Variants in NARF observed in about 807,000 individuals in gnomAD.
NARF encodes the protein nuclear prelamin A recognition factor, also known as iron-only hydrogenase-like protein 2.
In NARF, 41 loss-of-function variants were observed where a neutral mutation model predicts 48.0. The ratio of observed to expected loss-of-function variants is 0.85; its 90% confidence interval spans 0.66 to 1.11. NARF has a LOEUF of 1.11. Among genes scored for constraint, NARF ranks in the 50% least tolerant of loss-of-function variants. NARF has a pLI of 0.00. For missense variants in NARF, 613 were observed against 590.2 expected, an observed-to-expected ratio of 1.04 and a Z score of -0.40; for synonymous variants, 215 against 225.5, an observed-to-expected ratio of 0.95 and a Z score of 0.42.
rs981033919 is a variant in NARF at position 82,470,174 on chromosome 17, G to A, written c.385+1278G>A. Among the ~76,000 whole-genome samples, 25 of 152,272 alleles carry A rather than the reference G, an allele frequency of 1.6e-4. No homozygotes were observed. The East Asian group carries it at 2.1e-3, about 13-fold the overall frequency. On this transcript the variant is annotated intron_variant, in intron 4 of 10. Transcript: ENST00000309794. ...GCTTGAAGTCTAAGCAGCAGCCTGG[G>A]GGTCCTGATGCTCCCTGTGCCCTAG...
intron 4 of NARF, among the ~76,000 whole-genome samples, chr17:82,470,202 GCCTGGGCTCTAACAAGA>G (rs2043665671): frequency 6.6e-6 from 1 of 152,134 alleles, no homozygotes; most frequent in South Asian, 2.1e-4. Flanking sequence ...TGCCCTAGGC[GCCTGGGCTCTAACAAGA>G]CCTGGTCATC....
rs1360046676 is a variant in NARF, at chr17:82,468,830, G to T, written c.319G>T (p.Ala107Ser). Reference sequence around the variant, plus strand: ...GTGTCCTCAATCTTTGCCTTATTTTGCTGCTAAATTCAACCTCAGTGTAAC... The same window carrying T: ...GTGTCCTCAATCTTTGCCTTATTTTTCTGCTAAATTCAACCTCAGTGTAAC... ...SVCPQSLPYF[A>S]AKFNLSVTDA... Residue 107 changes from alanine to serine, a missense_variant, in exon 4 of 11, where the codon GCT (alanine) becomes TCT (serine). Transcript: ENST00000309794. 1.2e-6 allele frequency: 2 copies of T among 1,613,948 alleles called. No homozygotes were observed. Among genetic ancestry groups the T allele is most frequent in the African/African-American group, 2.7e-5 (2 of 74,910 alleles).
chr17:82,481,327 G>A (rs1004209560), intron 7 of NARF, 116 bp downstream of exon 7: 23 of 1,489,932 alleles, frequency 1.5e-5, no homozygotes, highest in South Asian at 2.5e-5. Context: ...CAATGTGGTC[G>A]CTTGTCTGAA....
rs1006741749 is a variant in NARF, at chr17:82,485,293, C to T, written c.972-204C>T. Among the ~76,000 whole-genome samples, 46 of 152,082 alleles carry T rather than the reference C, an allele frequency of 3.0e-4. 1 individual carries two copies. The highest frequency in any genetic ancestry group is 1.1e-3 in the African/African-American group (46 of 41,478). ...AAAATTTGCCGAGTGTGGTGGTGAG[C>T]GCCTATAGTCCCAGCTACTCGGGAA... On this transcript the variant is annotated intron_variant, in intron 9 of 10. Coordinates refer to ENST00000309794, the MANE Select transcript of NARF (RefSeq NM_012336.4).
intron 10 of NARF, 52 bp from the exon 11 acceptor site, chr17:82,487,864 G>A (rs1599859814): frequency 6.5e-7 from 1 of 1,534,350 alleles, no homozygotes; most frequent in African/African-American, 1.4e-5. Flanking sequence ...AGGAAGCTAA[G>A]GCAGAAAGAT....
In NARF at chr17:82,460,009, A is replaced by C. The variant is rs1404288432; in HGVS notation, c.45A>C (p.Thr15=). The change falls in exon 2 of 11, where the codon ACA becomes ACC. Residue 15 remains threonine, a synonymous_variant. Transcript: ENST00000309794. ...HCTRKECSKK[T]KTDDQENVSA... is the part of the protein sequence containing the mutation. ...TTTTTAAGGAATGTAGTAAGAAAACAAAAACTGATGACCAAGAGAATGTGT... is the reference window on the plus strand; with the variant it reads ...TTTTTAAGGAATGTAGTAAGAAAACCAAAACTGATGACCAAGAGAATGTGT... The C allele has an allele frequency of 2.5e-6, 4 of 1,613,794 alleles. No individual in the cohort carries two copies. The highest frequency in any genetic ancestry group is 3.4e-6 in the Non-Finnish European group (4 of 1,179,820).
At chr17:82,471,591 G>A (rs2043707761) in intron 4 of NARF, among the ~76,000 whole-genome samples, 1 of 149,022 alleles carries the variant, frequency 6.7e-6, no homozygotes, top group South Asian at 2.1e-4. Flanking sequence ...AGGAGATCGA[G>A]ACCATCCTGG....
chr17:82,473,738 A>G (rs2043770945), intron 5 of NARF, among the ~76,000 whole-genome samples: 1 of 151,992 alleles, frequency 6.6e-6, no homozygotes, highest in Non-Finnish European at 1.5e-5. Context: ...TTGTATTTTT[A>G]GTAGAGATGG....
intron 3 of NARF, among the ~76,000 whole-genome samples, chr17:82,466,182 A>G (rs922735063): frequency 2.0e-5 from 3 of 152,206 alleles, no homozygotes; most frequent in African/African-American, 7.2e-5. Context: ...GGTTTTTGCA[A>G]AAACCCTTGA....
chr17:82,488,078 C>T lies in NARF; in HGVS notation c.1292C>T (p.Ser431Phe), dbSNP rs1451230185. The change falls in exon 11 of 11, where the codon TCC becomes TTC. Residue 431 changes from serine (S) to phenylalanine (F), a missense_variant. Transcript: ENST00000309794. ...LYQEWLEGIN[S>F]PKAREVLHTT... is the part of the protein sequence containing the mutation. ...CAGGAGTGGCTGGAGGGGATCAACT[C>T]CCCCAAGGCCCGAGAGGTGCTGCAT... 6.2e-6 allele frequency: 10 copies of T among 1,614,000 alleles called. No individual in the cohort carries two copies. The highest frequency in any genetic ancestry group is 1.6e-4 in the Middle Eastern group (1 of 6,062).
intron 7 of NARF, 134 bp downstream of exon 7, chr17:82,481,345 A>G: frequency 7.3e-7 from 1 of 1,361,638 alleles, no homozygotes; most frequent in Non-Finnish European, 1.0e-6. Flanking sequence ...GAAGTTACTG[A>G]CAGCTGAGGG....
At chr17:82,468,631 C>T (rs2043625962) in intron 3 of NARF, 133 bp from the exon 4 acceptor site, 6 of 806,064 alleles carry the variant, frequency 7.4e-6, no homozygotes, top group Non-Finnish European at 1.1e-5. Flanking sequence ...ATTATGTTTG[C>T]CAGTGTTTGT....
At chr17:82,480,757 C>T (rs1259932671) in intron 6 of NARF, 2 of 482,296 alleles carry the variant, frequency 4.1e-6, no homozygotes, top group Admixed American at 7.4e-5. Context: ...CACGGTGAAA[C>T]CCCATCTCTA....
intron 7 of NARF, 120 bp downstream of exon 7, chr17:82,481,331 G>T: frequency 1.4e-6 from 2 of 1,465,312 alleles, no homozygotes; most frequent in Non-Finnish European, 1.8e-6. Flanking sequence ...GTGGTCGCTT[G>T]TCTGAAGTTA....
chr17:82,461,590 G>A (rs2043439944), intron 2 of NARF, among the ~76,000 whole-genome samples: 1 of 152,128 alleles, frequency 6.6e-6, no homozygotes, highest in South Asian at 2.1e-4. Context: ...CAGCTGGGGC[G>A]ACAGAGTGAG....
intron 2 of NARF, among the ~76,000 whole-genome samples, chr17:82,462,117 A>G (rs998142788): frequency 3.3e-5 from 5 of 152,158 alleles, no homozygotes; most frequent in African/African-American, 1.2e-4. Context: ...CCCTCCCAGG[A>G]CTGTGGTGAG....
chr17:82,481,177 T>G lies in NARF; in HGVS notation c.735T>G (p.His245Gln). 2.5e-6 allele frequency: 4 copies of G among 1,614,112 alleles called. No homozygotes were observed. Among genetic ancestry groups the G allele is most frequent in the Non-Finnish European group, 2.5e-6 (3 of 1,180,020 alleles). The change falls in exon 7 of 11, where the codon CAT (histidine) becomes CAG (glutamine). Residue 245 changes from histidine (H) to glutamine (Q), a missense_variant. Physicochemically the swap from His to Gln is conservative, Grantham distance 24 (BLOSUM62 0). Coordinates refer to ENST00000309794, the MANE Select transcript of NARF (RefSeq NM_012336.4). ...AGGAAAGCCTTCCCCCTGCTTTGCA[T>G]GGCTCCCGGGGCGCTGACTGCGTGT... is the stretch of plus-strand genomic sequence containing the variant. Reference protein sequence around the residue: ...ALQESLPPALHGSRGADCVLT... With the variant: ...ALQESLPPALQGSRGADCVLT...
At chr17:82,469,401 G>A (rs1358556563) in intron 4 of NARF, among the ~76,000 whole-genome samples, 1 of 152,166 alleles carries the variant, frequency 6.6e-6, no homozygotes, top group African/African-American at 2.4e-5. Flanking sequence ...GGATGTCAAC[G>A]CTGGAATAGT....
chr17:82,489,239 TCA>T lies in NARF; in HGVS notation c.*1085_*1086del, dbSNP rs1330004234. 6.2e-6 allele frequency: 1 copy of T among 160,330 alleles called. No homozygotes were observed. The highest frequency in any genetic ancestry group is 1.3e-5 in the Non-Finnish European group (1 of 77,366). The allele number at this position is 160,330 out of a possible 1,614,324, so 9.9% of individuals were successfully genotyped here. A position where few individuals can be genotyped will look rare whatever the true frequency, so the allele number is the denominator to read the frequency against. On this transcript the variant is annotated 3_prime_UTR_variant, in exon 11 of 11. Transcript: ENST00000309794. ...CCAGTCACCACCCTCCTCCCATTCC[TCA>T]CAGCCAGTCACCACCCTCCTGGACC...
Sources: allele counts gnomAD v4.1 joint callset (sites outside exome capture counted in the v4.1 genomes callset), GRCh38; gene constraint gnomAD v4.1.1; transcripts MANE v1.5; gene names NCBI Gene and HGNC (gene_info 2026-07-23, HGNC 2026-07-21).